Variants in MAP3K19 observed in about 807,000 individuals in gnomAD.
The protein encoded by MAP3K19 is SPS1/STE20-related protein kinase YSK4.
Under a neutral mutation model 114.4 loss-of-function variants are expected in MAP3K19, and 91 were observed. The observed-to-expected ratio is 0.80, with a 90% CI of 0.67 to 0.95. MAP3K19 has a LOEUF of 0.95. MAP3K19 is among the 40% of genes least tolerant of loss of function. The pLI is 0.00. For synonymous variants in MAP3K19, 518 were observed against 530.5 expected (o/e 0.98, Z 0.32); for missense variants, 1,471 against 1,573.2 (o/e 0.94, Z 1.10).
intron 5 of MAP3K19, among the ~76,000 whole-genome samples, chr2:135,011,759 T>C (rs1399194377): frequency 6.6e-6 from 1 of 152,046 alleles, no homozygotes; most frequent in Non-Finnish European, 1.5e-5. Flanking sequence ...CATAGCTCAC[T>C]GTAACTTTGA....
intron 1 of MAP3K19, among the ~76,000 whole-genome samples, chr2:135,043,726 A>G (rs1379323405): frequency 6.6e-6 from 1 of 152,198 alleles, no homozygotes; most frequent in Non-Finnish European, 1.5e-5. Context: ...GAATAGTTCC[A>G]TGGCCCTAAA....
chr2:134,973,250 A>G (rs1205387107), intron 12 of MAP3K19, among the ~76,000 whole-genome samples: 1 of 152,142 alleles, frequency 6.6e-6, no homozygotes, highest in Non-Finnish European at 1.5e-5. Context: ...CTATGATTGT[A>G]TTAGAGTTTA....
chr2:134,965,768 AC>A (rs938920488), intron 12 of MAP3K19, among the ~76,000 whole-genome samples: 3 of 152,222 alleles, frequency 2.0e-5, no homozygotes, highest in Admixed American at 2.0e-4. Flanking sequence ...TATTTGAAAT[AC>A]AGAATACATT....
rs772666727 is a variant in MAP3K19 at position 134,998,823 on chromosome 2, T to C, written c.489A>G (p.Arg163=). 3.7e-6 allele frequency: 6 copies of C among 1,614,208 alleles called. No individual in the cohort carries two copies. Among genetic ancestry groups the C allele is most frequent in the South Asian group, 1.1e-5 (1 of 91,090 alleles). ...CNVNLGFLLP[R]SCLELNISKS... ...TGGAAATGTTCAGTTCTAAACAAGA[T>C]CTTGGTAGCAAAAAGCCCAAGTTCA... The change falls in exon 8 of 13, where the codon AGA becomes AGG. Residue 163 remains arginine, a synonymous_variant. Transcript: ENST00000392915.
intron 9 of MAP3K19, among the ~76,000 whole-genome samples, chr2:134,990,852 T>TATAACACA (rs1256321311): frequency 6.6e-5 from 10 of 152,192 alleles, no homozygotes; most frequent in African/African-American, 2.2e-4. Flanking sequence ...TAACACAAAA[T>TATAACACA]GTGTGTGTTA....
intron 5 of MAP3K19, among the ~76,000 whole-genome samples, chr2:135,020,560 A>T (rs886921757): frequency 6.6e-6 from 1 of 152,244 alleles, no homozygotes; most frequent in Middle Eastern, 3.4e-3. Context: ...GCCTCAACAG[A>T]TCTTCAGCCT....
chr2:134,973,502 A>G (rs1684014696), intron 12 of MAP3K19, among the ~76,000 whole-genome samples: 1 of 152,102 alleles, frequency 6.6e-6, no homozygotes, highest in Admixed American at 6.5e-5. Context: ...TTCAGTCTAT[A>G]TGTGTCTTTA....
chr2:135,031,237 A>C (rs569857442), intron 2 of MAP3K19, among the ~76,000 whole-genome samples: 2 of 152,136 alleles, frequency 1.3e-5, no homozygotes, highest in African/African-American at 4.8e-5. Flanking sequence ...TGATGGGGGC[A>C]CTTCGACAAA....
intron 5 of MAP3K19, among the ~76,000 whole-genome samples, chr2:135,008,739 AATT>A (rs1348926521): frequency 2.6e-5 from 4 of 151,782 alleles, no homozygotes; most frequent in African/African-American, 7.3e-5. Context: ...TTAATTAATT[AATT>A]ATTATTGTTT....
intron 2 of MAP3K19, among the ~76,000 whole-genome samples, chr2:135,034,226 T>G: frequency 2.0e-5 from 2 of 102,238 alleles, no homozygotes; most frequent in African/African-American, 5.4e-5. Flanking sequence ...CGGGAAGAGG[T>G]GCTCCTCACT....
chr2:134,968,870 G>A (rs1290739272), intron 12 of MAP3K19, among the ~76,000 whole-genome samples: 4 of 151,086 alleles, frequency 2.6e-5, no homozygotes, highest in Non-Finnish European at 5.9e-5. Flanking sequence ...TCCAGACTGG[G>A]CAGCCAGGCA....
chr2:134,979,641 GTTT>G (rs774229914), intron 12 of MAP3K19, among the ~76,000 whole-genome samples: 82 of 117,748 alleles, frequency 7.0e-4, no homozygotes, highest in African/African-American at 2.5e-3. Context: ...CATTTATGCG[GTTT>G]TTTTTTTTTT....
Position 134,987,334 on chromosome 2 carries a change from T to A in MAP3K19, c.1538A>T (p.His513Leu), listed in dbSNP as rs764751957. 3.7e-6 allele frequency: 6 copies of A among 1,614,100 alleles called. No individual in the cohort carries two copies. The highest frequency in any genetic ancestry group is 5.1e-6 in the Non-Finnish European group (6 of 1,180,038). Reference sequence around the variant, plus strand: ...AGGTATGTTGACACTATGGTTGTTATGAATGGTTCCCTTTCTTGTTTGGAG... The same window carrying A: ...AGGTATGTTGACACTATGGTTGTTAAGAATGGTTCCCTTTCTTGTTTGGAG... ...PSLQTRKGTIHNNHSVNIPVH... is the reference protein window; with the variant it reads ...PSLQTRKGTILNNHSVNIPVH... Residue 513 changes from histidine to leucine, a missense_variant, in exon 10 of 13, where the codon CAT becomes CTT. Physicochemically the swap from His to Leu is moderately conservative, Grantham distance 99. Coordinates refer to ENST00000392915, the MANE Select transcript of MAP3K19 (RefSeq NM_025052.5).
At position 135,011,555 on chromosome 2, in the gene MAP3K19, G is replaced by A. The variant is rs931379268; in HGVS notation, c.139-6024C>T. ...CTGTCTCAAAAAAAAAAAAAAAAAA[G>A]TCTTAAAGTTGCCTCAAAAAATGTA... is the stretch of plus-strand genomic sequence containing the variant. On this transcript the variant is annotated intron_variant, in intron 5 of 12. Coordinates refer to ENST00000392915, the MANE Select transcript of MAP3K19 (RefSeq NM_025052.5). Among the ~76,000 whole-genome samples the A allele has an allele frequency of 9.5e-5, 11 of 115,372 alleles. No individual in the cohort carries two copies. The East Asian group carries it at 3.4e-3, about 36-fold the overall frequency. 75.7% of individuals were successfully genotyped at this position (115,372 alleles called of 152,430 possible).
chr2:135,021,890 A>G (rs1279791334), intron 4 of MAP3K19, 60 bp from the exon 5 acceptor site: 2 of 1,056,848 alleles, frequency 1.9e-6, no homozygotes, highest in Non-Finnish European at 2.8e-6. Flanking sequence ...ATTTCAAAAG[A>G]AGATCTAGCT....
chr2:134,986,690 T>A lies in MAP3K19; in HGVS notation c.2182A>T (p.Thr728Ser), dbSNP rs1391637112. Residue 728 changes from threonine to serine, a missense_variant, in exon 10 of 13, where the codon ACT (threonine) becomes TCT (serine). Transcript: ENST00000392915. ...QKKTHMKCPK[T>S]SFGIKQEHKV... is the part of the protein sequence containing the mutation. Reference sequence around the variant, plus strand: ...TGCTCTTGTTTAATGCCAAATGAAGTCTTTGGGCATTTCATATGTGTTTTT... The same window carrying A: ...TGCTCTTGTTTAATGCCAAATGAAGACTTTGGGCATTTCATATGTGTTTTT... 1.2e-6 allele frequency: 2 copies of A among 1,614,058 alleles called. No homozygotes were observed. Among genetic ancestry groups the A allele is most frequent in the South Asian group, 2.2e-5 (2 of 91,080 alleles).
At chr2:134,966,240 TACTC>T (rs1021464110) in intron 12 of MAP3K19, among the ~76,000 whole-genome samples, 2 of 152,198 alleles carry the variant, frequency 1.3e-5, no homozygotes, top group South Asian at 2.1e-4. Flanking sequence ...TTTGGATAAA[TACTC>T]AGTAGGAGGA....
chr2:134,965,922 T>C (rs965719229), intron 12 of MAP3K19, among the ~76,000 whole-genome samples: 2 of 152,214 alleles, frequency 1.3e-5, no homozygotes, highest in African/African-American at 4.8e-5. Flanking sequence ...TAACTATCAT[T>C]CTACTCTCTA....
chr2:135,032,195 A>G (rs1415599360), intron 2 of MAP3K19, among the ~76,000 whole-genome samples: 1 of 151,992 alleles, frequency 6.6e-6, no homozygotes, highest in Non-Finnish European at 1.5e-5. Flanking sequence ...CATCTCTACT[A>G]AAAATACAAA....
Sources: gnomAD v4.1 joint callset for allele counts (sites outside exome capture counted in the v4.1 genomes callset) on GRCh38, gnomAD v4.1.1 for gene constraint, MANE v1.5 for transcripts, NCBI Gene and HGNC (gene_info 2026-07-23, HGNC 2026-07-21) for gene names.